The following BCAS4 variants were observed in gnomAD, a reference collection of about 807,000 sequenced individuals.
BCAS4 encodes the protein breast carcinoma-amplified sequence 4.
Under a neutral mutation model 15.7 loss-of-function variants are expected in BCAS4, and 9 were observed. The ratio of observed to expected loss-of-function variants is 0.57; its 90% CI spans 0.34 to 1.00. BCAS4 has a LOEUF of 1.00. Ranked by LOEUF, BCAS4 falls within the 50% of genes least tolerant of loss-of-function variation. BCAS4 has a pLI of 0.02. For synonymous variants in BCAS4, 101 were observed against 99.5 expected, an observed-to-expected ratio of 1.02 and a Z score of -0.09; for missense variants, 225 against 239.1, an observed-to-expected ratio of 0.94 and a Z score of 0.39.
chr20:50,861,280 CA>C (rs1461611088), intron 4 of BCAS4, among the ~76,000 whole-genome samples: 1 of 152,156 alleles, frequency 6.6e-6, no homozygotes, highest in Admixed American at 6.5e-5. Flanking sequence ...AGGGGCTGAC[CA>C]GCTGCAGCAT....
chr20:50,875,734 A>T (rs541154445), intron 4 of BCAS4, among the ~76,000 whole-genome samples: 1 of 151,896 alleles, frequency 6.6e-6, no homozygotes, highest in Non-Finnish European at 1.5e-5. Context: ...GTGAGCCAAG[A>T]TGGCACCACT....
intron 1 of BCAS4, among the ~76,000 whole-genome samples, chr20:50,810,811 C>T (rs2088052176): frequency 6.6e-6 from 1 of 151,890 alleles, no homozygotes; most frequent in Non-Finnish European, 1.5e-5. Context: ...AGGATGGTCT[C>T]GATCTCCTGA....
chr20:50,797,619 C>T (rs2087881255), intron 1 of BCAS4, among the ~76,000 whole-genome samples: 1 of 152,188 alleles, frequency 6.6e-6, no homozygotes, highest in South Asian at 2.1e-4. Context: ...TCCATAAACA[C>T]TGTCCAATAG....
chr20:50,866,361 T>G (rs1482963682), intron 4 of BCAS4, among the ~76,000 whole-genome samples: 1 of 152,184 alleles, frequency 6.6e-6, no homozygotes, highest in Non-Finnish European at 1.5e-5. Flanking sequence ...CCAGCTTGGA[T>G]GCCCATAGGG....
At chr20:50,840,167 A>G (rs1398308354) in intron 3 of BCAS4, among the ~76,000 whole-genome samples, 2 of 152,228 alleles carry the variant, frequency 1.3e-5, no homozygotes, top group African/African-American at 2.4e-5. Flanking sequence ...ATGAGGTACC[A>G]TGCCCAGCCA....
downstream of BCAS4, chr20:50,877,499 G>A (rs1360004753): frequency 6.6e-6 from 1 of 152,264 alleles, no homozygotes; most frequent in African/African-American, 2.4e-5. Flanking sequence ...TCCTCGAAGA[G>A]CCAAGAACAC....
At chr20:50,804,826 G>A (rs1415549506) in intron 1 of BCAS4, among the ~76,000 whole-genome samples, 2 of 152,178 alleles carry the variant, frequency 1.3e-5, no homozygotes, top group African/African-American at 2.4e-5. Flanking sequence ...GGGGACCTGA[G>A]AGGAACGAGT....
chr20:50,795,746 C>A (rs1215108053), intron 1 of BCAS4, among the ~76,000 whole-genome samples: 1 of 152,218 alleles, frequency 6.6e-6, no homozygotes, highest in African/African-American at 2.4e-5. Flanking sequence ...AGAAATTCAA[C>A]CCATTCTCTT....
chr20:50,794,952 G>T, upstream of BCAS4: 1 of 1,192,948 alleles, frequency 8.4e-7, no homozygotes, highest in South Asian at 4.2e-5. Context: ...CGCGACCGCC[G>T]GGAGCGCACC....
chr20:50,863,404 C>T lies in BCAS4; in HGVS notation c.400-13082C>T, dbSNP rs139700298. On this transcript the variant is annotated intron_variant, in intron 4 of 4. Coordinates refer to ENST00000371608, the MANE Select transcript of BCAS4 (RefSeq NM_198799.4). Reference sequence around the variant, plus strand: ...TCCCCAGTAGCTGGGATTACAGGTGCGTGCCACTATGCCTGGCTATTTTTT... The same window carrying T: ...TCCCCAGTAGCTGGGATTACAGGTGTGTGCCACTATGCCTGGCTATTTTTT... Among the ~76,000 whole-genome samples the T allele has an allele frequency of 2.6e-3, 397 of 151,690 alleles. 3 individuals carry two copies. The highest frequency in any genetic ancestry group is 9.1e-3 in the African/African-American group (377 of 41,338).
intron 3 of BCAS4, among the ~76,000 whole-genome samples, chr20:50,834,428 T>C (rs1377431282): frequency 6.6e-6 from 1 of 151,364 alleles, no homozygotes; most frequent in Non-Finnish European, 1.5e-5. Context: ...CCCGAGTAGC[T>C]GGGATTACAG....
intron 2 of BCAS4, among the ~76,000 whole-genome samples, chr20:50,820,549 G>A (rs902429521): frequency 1.3e-5 from 2 of 152,164 alleles, no homozygotes; most frequent in African/African-American, 2.4e-5. Flanking sequence ...CAGGTCGGGA[G>A]GATGGTGTGG....
intron 4 of BCAS4, among the ~76,000 whole-genome samples, chr20:50,843,845 T>C (rs921903182): frequency 6.6e-6 from 1 of 152,176 alleles, no homozygotes; most frequent in African/African-American, 2.4e-5. Flanking sequence ...CACTGACGGC[T>C]TTAAAAGCAC....
chr20:50,873,455 C>T (rs1979757390), intron 4 of BCAS4, among the ~76,000 whole-genome samples: 1 of 152,220 alleles, frequency 6.6e-6, no homozygotes, highest in Admixed American at 6.5e-5. Flanking sequence ...GGCCCCTAGT[C>T]ATGTGTCAGG....
intron 1 of BCAS4, among the ~76,000 whole-genome samples, chr20:50,800,281 G>A (rs575167742): frequency 1.6e-4 from 25 of 152,014 alleles, no homozygotes; most frequent in Non-Finnish European, 2.8e-4. Flanking sequence ...AAATATCCCA[G>A]GCAGAGAGAA....
intron 2 of BCAS4, among the ~76,000 whole-genome samples, chr20:50,824,795 G>GCCAGGTCTTGGCTCAGTGTGT (rs2088259213): frequency 6.6e-6 from 1 of 152,158 alleles, no homozygotes; most frequent in Non-Finnish European, 1.5e-5. Flanking sequence ...GCTCAGTGTG[G>GCCAGGTCTTGGCTCAGTGTGT]CCAGGTCTTG....
At chr20:50,881,281 G>A (rs1252432506), downstream of BCAS4, 6 of 152,042 alleles carry the variant, frequency 3.9e-5, no homozygotes, top group Admixed American at 1.3e-4. Flanking sequence ...AAACATTGGC[G>A]AAGTGTACAA....
intron 1 of BCAS4, among the ~76,000 whole-genome samples, chr20:50,800,473 G>C (rs1456511349): frequency 6.6e-6 from 1 of 151,952 alleles, no homozygotes; most frequent in Non-Finnish European, 1.5e-5. Context: ...CCTTGAGCTG[G>C]GTTGGCAGGT....
In BCAS4 at chr20:50,861,321, C is replaced by T. The variant is rs568276825; in HGVS notation, c.400-15165C>T. Among the ~76,000 whole-genome samples the T allele has an allele frequency of 1.6e-4, 25 of 152,294 alleles. No homozygotes were observed. In the South Asian group the frequency reaches 5.0e-3, roughly 30 times the overall value. On this transcript the variant is annotated intron_variant, in intron 4 of 4. Transcript: ENST00000371608. Reference sequence around the variant, plus strand: ...GTGGGCATGGACTAGGAAGCAGGCTCGGGATCTCATTCCCTTATCGTTTCT... The same window carrying T: ...GTGGGCATGGACTAGGAAGCAGGCTTGGGATCTCATTCCCTTATCGTTTCT...
Sources: allele counts gnomAD v4.1 joint callset (sites outside exome capture counted in the v4.1 genomes callset), GRCh38; gene constraint gnomAD v4.1.1; transcripts MANE v1.5; gene names NCBI Gene and HGNC (gene_info 2026-07-23, HGNC 2026-07-21).